Variants in VPS41 observed in about 807,000 individuals in gnomAD.
The protein encoded by VPS41 is VPS41 subunit of HOPS complex, also known as vacuolar protein sorting-associated protein 41 homolog.
VPS41 carries 85 observed loss-of-function variants against 130.9 expected under a neutral mutation model. The observed-to-expected ratio is 0.65, with a 90% confidence interval of 0.55 to 0.78. The LOEUF (loss-of-function observed/expected upper bound fraction) is 0.78. Ranked by LOEUF, VPS41 falls within the 30% of genes least tolerant of loss-of-function variation. VPS41 has a pLI of 0.00. For synonymous variants in VPS41, 335 were observed against 332.9 expected, an observed-to-expected ratio of 1.01 and a Z score of -0.07; for missense variants, 874 against 1,018.7, an observed-to-expected ratio of 0.86 and a Z score of 1.93.
At chr7:38,875,887 GA>G (rs992521788) in intron 2 of VPS41, among the ~76,000 whole-genome samples, 3 of 152,214 alleles carry the variant, frequency 2.0e-5, no homozygotes, top group Admixed American at 1.3e-4. Flanking sequence ...TAAAGTAGCT[GA>G]AATTAGGAGC....
intron 27 of VPS41, chr7:38,728,250 T>C: frequency 1.7e-6 from 1 of 579,756 alleles, no homozygotes; most frequent in Non-Finnish European, 3.1e-6. Flanking sequence ...TCTCAGTTCC[T>C]GCCCTGGAAG....
At chr7:38,769,548 T>C (rs762224469) in intron 14 of VPS41, among the ~76,000 whole-genome samples, 1 of 152,160 alleles carries the variant, frequency 6.6e-6, no homozygotes, top group Non-Finnish European at 1.5e-5. Context: ...ATAGGATTCA[T>C]CATTTCTCCC....
intron 2 of VPS41, among the ~76,000 whole-genome samples, chr7:38,889,257 G>T (rs1041755466): frequency 6.6e-6 from 1 of 151,884 alleles, no homozygotes; most frequent in Non-Finnish European, 1.5e-5. Flanking sequence ...ATTTGGTGAA[G>T]GGCATAAACC....
At chr7:38,787,655 G>A (rs1784464076) in intron 10 of VPS41, among the ~76,000 whole-genome samples, 1 of 152,172 alleles carries the variant, frequency 6.6e-6, no homozygotes, top group Admixed American at 6.5e-5. Flanking sequence ...GAAATGTACA[G>A]CCATACGTAT....
chr7:38,805,413 G>A (rs1441870328), intron 7 of VPS41, among the ~76,000 whole-genome samples: 1 of 151,914 alleles, frequency 6.6e-6, no homozygotes. Flanking sequence ...CACGCCTGTA[G>A]TCCCAGCTAC....
chr7:38,862,516 T>C (rs1467780547), intron 4 of VPS41, 29 bp downstream of exon 4: 1 of 1,340,886 alleles, frequency 7.5e-7, no homozygotes, highest in Non-Finnish European at 1.0e-6. Context: ...GAAGTTTAGC[T>C]CATACATTAT....
chr7:38,800,263 A>G (rs1030674288), intron 7 of VPS41, among the ~76,000 whole-genome samples: 3 of 152,248 alleles, frequency 2.0e-5, no homozygotes, highest in Admixed American at 1.3e-4. Context: ...TAAATAAAAA[A>G]GCAGATGACA....
At chr7:38,873,655 GA>G (rs1786423365) in intron 2 of VPS41, among the ~76,000 whole-genome samples, 1 of 152,142 alleles carries the variant, frequency 6.6e-6, no homozygotes, top group Admixed American at 6.5e-5. Context: ...GCAGCTAAGC[GA>G]AGATATGAAC....
At chr7:38,747,856 T>C (rs560958858) in intron 22 of VPS41, among the ~76,000 whole-genome samples, 33 of 152,200 alleles carry the variant, frequency 2.2e-4, no homozygotes, top group Non-Finnish European at 4.1e-4. Context: ...AGCAAGGCTA[T>C]AAGATCCTGT....
intron 23 of VPS41, among the ~76,000 whole-genome samples, chr7:38,745,145 CT>C (rs1179742770): frequency 1.3e-5 from 2 of 152,164 alleles, no homozygotes; most frequent in Non-Finnish European, 2.9e-5. Flanking sequence ...AGCTCTCCTC[CT>C]TCTCCAAAAC....
intron 23 of VPS41, 105 bp from the exon 24 acceptor site, chr7:38,743,647 G>GA: frequency 7.5e-7 from 1 of 1,340,592 alleles, no homozygotes; most frequent in Non-Finnish European, 1.0e-6. Flanking sequence ...GGAAAGCTAA[G>GA]ACAAGGCTAT....
intron 2 of VPS41, among the ~76,000 whole-genome samples, chr7:38,881,919 C>T (rs1195370116): frequency 6.6e-6 from 1 of 152,118 alleles, no homozygotes; most frequent in Admixed American, 6.6e-5. Flanking sequence ...AATAAAATAG[C>T]AGCAGCAGCA....
chr7:38,767,247 A>G (rs1037749550), intron 15 of VPS41, among the ~76,000 whole-genome samples: 6 of 152,152 alleles, frequency 3.9e-5, no homozygotes, highest in African/African-American at 7.2e-5. Flanking sequence ...GTAAATAGGT[A>G]AAGTCTGAGA....
chr7:38,897,274 T>G (rs1787024455), intron 2 of VPS41, among the ~76,000 whole-genome samples: 1 of 151,884 alleles, frequency 6.6e-6, no homozygotes, highest in Non-Finnish European at 1.5e-5. Flanking sequence ...AAAAACTCCT[T>G]CCTTATATAT....
chr7:38,872,413 G>A (rs1032330165), intron 2 of VPS41, among the ~76,000 whole-genome samples: 1 of 152,224 alleles, frequency 6.6e-6, no homozygotes, highest in Non-Finnish European at 1.5e-5. Flanking sequence ...TGCAGGCACA[G>A]AGCATGAATA....
rs11355680 is a variant in VPS41, at chr7:38,897,644, C to CAAA, written c.60+444_60+446dup. On this transcript the variant is annotated intron_variant, in intron 2 of 28. Coordinates refer to ENST00000310301, the MANE Select transcript of VPS41 (RefSeq NM_014396.4). ...TGGGCAACAGAGCGAGACTCCGTCT[C>CAAA]AAAAAAAAAAAAAAAAAAGAAGCAA... is the stretch of plus-strand genomic sequence containing the variant. 1.0e-4 allele frequency among the ~76,000 whole-genome samples: 10 copies of CAAA among 97,778 alleles called. No individual in the cohort carries two copies. In the East Asian group the frequency reaches 2.2e-3, roughly 21 times the overall value. The allele number at this position is 97,778 out of a possible 152,430, so 64.1% of individuals were successfully genotyped here.
chr7:38,866,484 G>A (rs572316899), intron 3 of VPS41, among the ~76,000 whole-genome samples: 182 of 152,264 alleles, frequency 1.2e-3, no homozygotes, highest in African/African-American at 4.1e-3. Context: ...GGATTCATCC[G>A]TGGCTTAGGT....
chr7:38,780,980 C>T (rs1784345832), intron 10 of VPS41, among the ~76,000 whole-genome samples: 1 of 152,134 alleles, frequency 6.6e-6, no homozygotes, highest in African/African-American at 2.4e-5. Flanking sequence ...ACTTCGTCTT[C>T]CACCATGATT....
chr7:38,814,598 C>T (rs998969753), intron 7 of VPS41, among the ~76,000 whole-genome samples: 2 of 151,964 alleles, frequency 1.3e-5, no homozygotes, highest in Non-Finnish European at 2.9e-5. Context: ...TGCAGCGAGC[C>T]GAGATCGCGC....
Sources: gnomAD v4.1 joint callset for allele counts (sites outside exome capture counted in the v4.1 genomes callset) on GRCh38, gnomAD v4.1.1 for gene constraint, MANE v1.5 for transcripts, NCBI Gene and HGNC (gene_info 2026-07-23, HGNC 2026-07-21) for gene names.